Variants in GJA1 observed in about 807,000 individuals in gnomAD.
GJA1 encodes the protein gap junction alpha-1 protein.
GJA1 carries 9 observed loss-of-function variants against 31.0 expected under a neutral mutation model. The ratio of observed to expected loss-of-function variants is 0.29; its 90% CI spans 0.17 to 0.51. The LOEUF (loss-of-function observed/expected upper bound fraction) is 0.51, where lower values mean the gene tolerates loss of function less well. GJA1 is among the 20% of genes least tolerant of loss of function. GJA1 has a pLI of 0.98. For synonymous variants in GJA1, 186 were observed against 180.1 expected, an observed-to-expected ratio of 1.03 and a Z score of -0.26; for missense variants, 278 against 468.8, an observed-to-expected ratio of 0.59 and a Z score of 3.76.
chr6:121,447,580 G>A lies in GJA1; in HGVS notation c.733G>A (p.Asp245Asn), dbSNP rs367628979. The A allele has an allele frequency of 5.6e-6, 9 of 1,613,950 alleles. No homozygotes were observed. Among genetic ancestry groups the A allele is most frequent in the Non-Finnish European group, 7.6e-6 (9 of 1,179,948 alleles). Residue 245 changes from aspartate (D) to asparagine (N), a missense_variant, in exon 2 of 2, where the codon GAC (aspartate) becomes AAC (asparagine). Physicochemically the swap from Asp to Asn is conservative, Grantham distance 23 (BLOSUM62 1). Coordinates refer to ENST00000282561, the MANE Select transcript of GJA1 (RefSeq NM_000165.5). ...GVKDRVKGKS[D>N]PYHATSGALS... is the part of the protein sequence containing the mutation. ...TAAGGATCGGGTTAAGGGAAAGAGC[G>A]ACCCTTACCATGCGACCAGTGGTGC...
At chr6:121,435,975 A>G (rs564610334) in intron 1 of GJA1, 143 bp downstream of exon 1, 2 of 152,288 alleles carry the variant, frequency 1.3e-5, no homozygotes, top group South Asian at 4.1e-4. Context: ...GTGTTTCTAT[A>G]GTTTTAAAGT....
intron 1 of GJA1, among the ~76,000 whole-genome samples, chr6:121,445,939 A>G (rs1047470038): frequency 6.6e-6 from 1 of 151,982 alleles, no homozygotes; most frequent in Admixed American, 6.6e-5. Context: ...AAAAAAAGAA[A>G]CAGAAAAGTG....
intron 1 of GJA1, 55 bp from the exon 2 acceptor site, chr6:121,446,777 T>C: frequency 9.3e-7 from 1 of 1,073,394 alleles, no homozygotes; most frequent in South Asian, 1.2e-5. Flanking sequence ...GTACTAAATG[T>C]TAAACTAGTA....
At position 121,444,600 on chromosome 6, in the gene GJA1, T is replaced by C. The variant is rs141975348; in HGVS notation, c.-16-2232T>C. 3.7e-4 allele frequency among the ~76,000 whole-genome samples: 56 copies of C among 152,328 alleles called. 1 individual carries two copies. The highest frequency in any genetic ancestry group is 1.3e-3 in the African/African-American group (52 of 41,574). The stretch of plus-strand genomic sequence containing the variant: ...GAAGAAGACTCCCCTGGATTTCATT[T>C]ACTTCCTACAAGGAGATACAGCTCA... On this transcript the variant is annotated intron_variant, in intron 1 of 1. Transcript: ENST00000282561.
At chr6:121,436,776 C>T (rs1009689593) in intron 1 of GJA1, among the ~76,000 whole-genome samples, 1 of 152,232 alleles carries the variant, frequency 6.6e-6, no homozygotes, top group African/African-American at 2.4e-5. Context: ...CACCTTCCCT[C>T]TGCTCGAACC....
chr6:121,441,312 C>T (rs1773777301), intron 1 of GJA1, among the ~76,000 whole-genome samples: 1 of 151,792 alleles, frequency 6.6e-6, no homozygotes, highest in Non-Finnish European at 1.5e-5. Flanking sequence ...TGATCTCAAA[C>T]TCTTGACCTC....
chr6:121,437,649 C>G, intron 1 of GJA1, among the ~76,000 whole-genome samples: 1 of 152,232 alleles, frequency 6.6e-6, no homozygotes, highest in African/African-American at 2.4e-5. Flanking sequence ...CCCAGCCAGC[C>G]TTTGCTGGGG....
rs1773886540 is a variant in GJA1, at chr6:121,446,190, G to T, written c.-16-642G>T. Among the ~76,000 whole-genome samples, 3 of 152,092 alleles carry T rather than the reference G, an allele frequency of 2.0e-5. No individual in the cohort carries two copies. In the South Asian group the frequency reaches 6.2e-4, roughly 32 times the overall value. On this transcript the variant is annotated intron_variant, in intron 1 of 1. Coordinates refer to ENST00000282561, the MANE Select transcript of GJA1 (RefSeq NM_000165.5). Reference sequence around the variant, plus strand: ...CATGCCTGTAATCCCAGCTACTTAGGAGGCTGAGGCAGGAGAATCGCTGGA... The same window carrying T: ...CATGCCTGTAATCCCAGCTACTTAGTAGGCTGAGGCAGGAGAATCGCTGGA...
chr6:121,446,877 C>G lies in GJA1; in HGVS notation c.30C>G (p.Leu10=). The G allele has an allele frequency of 6.2e-7, 1 of 1,614,010 alleles. No individual in the cohort carries two copies. ...GTGACTGGAGCGCCTTAGGCAAACT[C>G]CTTGACAAGGTTCAAGCCTACTCAA... MGDWSALGK[L]LDKVQAYSTA... Residue 10 remains leucine, a synonymous_variant, in exon 2 of 2, where the codon CTC becomes CTG. Transcript: ENST00000282561.
At chr6:121,439,143 A>T (rs57887263) in intron 1 of GJA1, among the ~76,000 whole-genome samples, 12,624 of 152,142 alleles carry the variant, frequency 0.083, 763 homozygotes, top group East Asian at 0.22. Flanking sequence ...ATAAAAAAAA[A>T]TTTTAAAAAG....
At chr6:121,438,920 T>A (rs1773716954) in intron 1 of GJA1, among the ~76,000 whole-genome samples, 1 of 152,084 alleles carries the variant, frequency 6.6e-6, no homozygotes, top group African/African-American at 2.4e-5. Context: ...TCTTTTTTTT[T>A]AATACATCAG....
intron 1 of GJA1, among the ~76,000 whole-genome samples, chr6:121,439,653 A>G (rs577702872): frequency 2.6e-5 from 4 of 152,134 alleles, no homozygotes; most frequent in African/African-American, 7.2e-5. Context: ...CTCTCTTTGG[A>G]TGGAGTTCCT....
intron 1 of GJA1, among the ~76,000 whole-genome samples, chr6:121,438,507 C>T (rs929200217): frequency 1.6e-4 from 25 of 151,914 alleles, no homozygotes; most frequent in Non-Finnish European, 3.4e-4. Context: ...CTTTTCTTTT[C>T]TCTACATCCA....
chr6:121,439,646 T>C (rs1411101641), intron 1 of GJA1, among the ~76,000 whole-genome samples: 1 of 152,146 alleles, frequency 6.6e-6, no homozygotes, highest in Non-Finnish European at 1.5e-5. Context: ...CACCATCCTC[T>C]CTTTGGATGG....
intron 1 of GJA1, among the ~76,000 whole-genome samples, chr6:121,437,762 T>C (rs1261204680): frequency 1.3e-5 from 2 of 152,098 alleles, no homozygotes; most frequent in Non-Finnish European, 2.9e-5. Context: ...AGCTACACAA[T>C]GTTGTAAAAA....
intron 1 of GJA1, among the ~76,000 whole-genome samples, chr6:121,445,669 A>T (rs1472365350): frequency 2.0e-5 from 3 of 152,212 alleles, no homozygotes; most frequent in Non-Finnish European, 2.9e-5. Flanking sequence ...TGTGAGTAGT[A>T]TTGAGACAAA....
Position 121,436,136 on chromosome 6 carries a change from G to GTTTT in GJA1, c.-17+311_-17+314dup, listed in dbSNP as rs10692429. On this transcript the variant is annotated intron_variant, in intron 1 of 1. Coordinates refer to ENST00000282561, the MANE Select transcript of GJA1 (RefSeq NM_000165.5). ...TCATTTTAGAGTATCATTTTATTTT[G>GTTTT]TTTTTTTTTTGTAATCAGTAATAGT... 1.4e-3 allele frequency among the ~76,000 whole-genome samples: 143 copies of GTTTT among 102,952 alleles called. 1 individual carries two copies. The highest frequency in any genetic ancestry group is 3.9e-3 in the East Asian group (14 of 3,574). 67.5% of individuals were successfully genotyped at this position (102,952 alleles called of 152,430 possible).
chr6:121,444,813 A>G (rs1773858540), intron 1 of GJA1, among the ~76,000 whole-genome samples: 1 of 152,156 alleles, frequency 6.6e-6, no homozygotes, highest in Admixed American at 6.5e-5. Flanking sequence ...AAATCCTCCA[A>G]TTACTACTAT....
chr6:121,436,633 C>A (rs769120312), intron 1 of GJA1, among the ~76,000 whole-genome samples: 2 of 152,122 alleles, frequency 1.3e-5, no homozygotes, highest in African/African-American at 4.8e-5. Context: ...AGAGATCAGA[C>A]GTTTAAAAAA....
Sources: allele counts gnomAD v4.1 joint callset (sites outside exome capture counted in the v4.1 genomes callset), GRCh38; gene constraint gnomAD v4.1.1; transcripts MANE v1.5; gene names NCBI Gene and HGNC (gene_info 2026-07-23, HGNC 2026-07-21).